The following GLI3 variants were observed in gnomAD, a reference collection of about 807,000 sequenced individuals.
GLI3 encodes GLI family zinc finger 3.
Under a neutral mutation model 100.8 loss-of-function variants are expected in GLI3, and 20 were observed. That is an observed-to-expected ratio of 0.20 (90% CI 0.14 to 0.29). The LOEUF (loss-of-function observed/expected upper bound fraction) is 0.29, where lower values mean the gene tolerates loss of function less well. Among genes scored for constraint, GLI3 ranks in the 10% least tolerant of loss-of-function variants. The probability of loss-of-function intolerance (pLI) is 1.00; values close to 1 mark genes in which losing one functional copy is unlikely to be tolerated. For synonymous variants in GLI3, 938 were observed against 860.5 expected (o/e 1.09, Z -1.58); for missense variants, 2,040 against 2,128.5 (o/e 0.96, Z 0.82).
intron 3 of GLI3, among the ~76,000 whole-genome samples, chr7:42,085,417 T>A (rs1177485042): frequency 6.6e-6 from 1 of 152,206 alleles, no homozygotes; most frequent in Admixed American, 6.5e-5. Context: ...AGTATATATC[T>A]TCTTAAGGAA....
At chr7:42,236,315 G>T (rs1410150510) in intron 1 of GLI3, among the ~76,000 whole-genome samples, 2 of 152,206 alleles carry the variant, frequency 1.3e-5, no homozygotes, top group African/African-American at 4.8e-5. Flanking sequence ...GTTACTTTGT[G>T]TGTCTGTGCG....
chr7:42,039,997 T>C (rs779498241), intron 7 of GLI3, 41 bp downstream of exon 7: 1 of 1,456,032 alleles, frequency 6.9e-7, no homozygotes, highest in East Asian at 2.3e-5. Flanking sequence ...GTGCTGACAT[T>C]ACATTTAAAA....
At chr7:42,001,475 C>T (rs1788295900) in intron 10 of GLI3, among the ~76,000 whole-genome samples, 1 of 152,056 alleles carries the variant, frequency 6.6e-6, no homozygotes, top group Non-Finnish European at 1.5e-5. Flanking sequence ...CTCTATTTAT[C>T]CTAGCTTTCA....
In GLI3 at chr7:41,964,342, T is replaced by C. The variant is rs750622081; in HGVS notation, c.4731A>G (p.Ala1577=). 6.2e-5 allele frequency: 100 copies of C among 1,614,022 alleles called. No individual in the cohort carries two copies. Among genetic ancestry groups the C allele is most frequent in the Non-Finnish European group, 7.9e-5 (93 of 1,179,958 alleles). ...TTTTTCCTAAAGCCTATTGCATAACTGCAAGGAATTTGCTTTCTTCCGCTA... is the reference window on the plus strand; with the variant it reads ...TTTTTCCTAAAGCCTATTGCATAACCGCAAGGAATTTGCTTTCTTCCGCTA... ...TSLAEESKFL[A]VMQ Residue 1577 remains alanine, a synonymous_variant, in exon 15 of 15, where the codon GCA becomes GCG. Coordinates refer to ENST00000395925, the MANE Select transcript of GLI3 (RefSeq NM_000168.6).
rs746224726 is a variant in GLI3 at position 41,965,524 on chromosome 7, G to T, written c.3549C>A (p.Pro1183=). 6.2e-7 allele frequency: 1 copy of T among 1,605,610 alleles called. No homozygotes were observed. The part of the protein sequence containing the change: ...SSSKLKCGPR[P]AVPQTRAFGF... ...CAAAGGCGCGAGTCTGCGGCACAGCGGGCCGCGGCCCACACTTGAGCTTGG... is the reference window on the plus strand; with the variant it reads ...CAAAGGCGCGAGTCTGCGGCACAGCTGGCCGCGGCCCACACTTGAGCTTGG... Residue 1183 remains proline, a synonymous_variant, in exon 15 of 15, where the codon CCC becomes CCA. Transcript: ENST00000395925.
intron 3 of GLI3, among the ~76,000 whole-genome samples, chr7:42,139,844 T>C (rs1786523760): frequency 6.6e-6 from 1 of 152,164 alleles, no homozygotes; most frequent in South Asian, 2.1e-4. Context: ...AATTCTGCAA[T>C]GGAGAAATTC....
chr7:42,227,885 C>T (rs977247307), intron 1 of GLI3, among the ~76,000 whole-genome samples: 2 of 152,174 alleles, frequency 1.3e-5, no homozygotes, highest in East Asian at 3.9e-4. Context: ...AGGCGAGTCC[C>T]CATTGATTAT....
At chr7:42,160,746 T>A (rs147242358) in intron 2 of GLI3, among the ~76,000 whole-genome samples, 13 of 152,264 alleles carry the variant, frequency 8.5e-5, no homozygotes, top group African/African-American at 1.4e-4. Context: ...CAACTTCTCA[T>A]AGATGTCCTA....
At chr7:42,223,332 G>A (rs1788524137) in intron 1 of GLI3, 37 bp from the exon 2 acceptor site, 2 of 1,161,760 alleles carry the variant, frequency 1.7e-6, no homozygotes, top group Admixed American at 2.4e-5. Context: ...TTTCCAAAAT[G>A]GTGGAAAAAA....
rs374088219 is a variant in GLI3 at position 41,965,718 on chromosome 7, C to A, written c.3355G>T (p.Asp1119Tyr). Residue 1119 changes from aspartate (D) to tyrosine (Y), a missense_variant, in exon 15 of 15, where the codon GAC becomes TAC. Physicochemically the swap from Asp to Tyr is radical, Grantham distance 160. This residue lies in a region of GLI3 where 1,041 missense variants were observed against 924.0 expected (regional missense o/e 1.13). Transcript: ENST00000395925. ...EQHFPSALPDDSKVPHGPGDF... is the reference protein window; with the variant it reads ...EQHFPSALPDYSKVPHGPGDF... ...CCGGGCCCGTGGGGCACTTTGCTGT[C>A]GTCCGGGAGGGCGCTGGGGAAGTGC... 1.9e-6 allele frequency: 3 copies of A among 1,613,716 alleles called. No homozygotes were observed. Among genetic ancestry groups the A allele is most frequent in the Non-Finnish European group, 2.5e-6 (3 of 1,179,932 alleles).
At chr7:42,203,986 C>T (rs1224985529) in intron 2 of GLI3, among the ~76,000 whole-genome samples, 3 of 151,974 alleles carry the variant, frequency 2.0e-5, no homozygotes, top group African/African-American at 7.3e-5. Flanking sequence ...GGTGAGACTC[C>T]ATCTCAAAAT....
intron 2 of GLI3, among the ~76,000 whole-genome samples, chr7:42,174,535 C>T (rs2128678256): frequency 6.6e-6 from 1 of 152,308 alleles, no homozygotes; most frequent in East Asian, 1.9e-4. Flanking sequence ...TGTTAACCAG[C>T]TGGTTAGAGT....
chr7:41,975,838 T>C (rs780022620), intron 12 of GLI3, among the ~76,000 whole-genome samples: 3 of 152,214 alleles, frequency 2.0e-5, no homozygotes, highest in Non-Finnish European at 4.4e-5. Flanking sequence ...CTAACATCTA[T>C]AGGAATGAAT....
intron 3 of GLI3, among the ~76,000 whole-genome samples, chr7:42,116,303 G>A (rs1004667480): frequency 1.3e-5 from 2 of 152,100 alleles, no homozygotes; most frequent in African/African-American, 4.8e-5. Context: ...TAATTTATGT[G>A]ATGAAATGTG....
chr7:42,073,948 C>T (rs992049067), intron 4 of GLI3, among the ~76,000 whole-genome samples: 1 of 152,170 alleles, frequency 6.6e-6, no homozygotes, highest in Admixed American at 6.5e-5. Flanking sequence ...TTAGCAAATA[C>T]GTGCTTTTAA....
intron 10 of GLI3, among the ~76,000 whole-genome samples, chr7:41,989,124 A>G (rs1307551994): frequency 1.3e-5 from 2 of 152,236 alleles, no homozygotes; most frequent in East Asian, 3.8e-4. Flanking sequence ...CTTCTTAAGC[A>G]AATTGATTAG....
intron 2 of GLI3, among the ~76,000 whole-genome samples, chr7:42,203,925 A>G (rs35338856): frequency 0.36 from 55,240 of 151,880 alleles, 11,966 homozygotes; most frequent in East Asian, 0.72. Context: ...CTTGAACCCA[A>G]GAAGTGGAGG....
At chr7:42,048,435 G>T in intron 5 of GLI3, 56 bp downstream of exon 5, 1 of 1,137,138 alleles carries the variant, frequency 8.8e-7, no homozygotes, top group Non-Finnish European at 1.3e-6. Flanking sequence ...CGTCCCGAGT[G>T]AGGAGCGGGG....
At chr7:42,219,296 A>G (rs543888389) in intron 2 of GLI3, among the ~76,000 whole-genome samples, 1 of 152,278 alleles carries the variant, frequency 6.6e-6, no homozygotes, top group African/African-American at 2.4e-5. Flanking sequence ...AAATATAACA[A>G]TAAAATTTAA....
Sources: allele counts gnomAD v4.1 joint callset (sites outside exome capture counted in the v4.1 genomes callset), GRCh38; gene constraint gnomAD v4.1.1; regional missense constraint gnomAD v4.1.1; transcripts MANE v1.5; gene names NCBI Gene and HGNC (gene_info 2026-07-23, HGNC 2026-07-21).